Variants in ADGRG4 observed in about 807,000 individuals in gnomAD.
ADGRG4 encodes G protein-coupled receptor 112.
In ADGRG4, 122 loss-of-function variants were observed where a neutral mutation model predicts 126.2. The observed-to-expected ratio is 0.97, with a 90% CI of 0.83 to 1.12. The LOEUF is 1.12. ADGRG4 is among the 50% of genes most tolerant of loss of function. The probability of loss-of-function intolerance (pLI) is 0.00; values close to 1 mark genes in which losing one functional copy is unlikely to be tolerated. For missense variants in ADGRG4, 2,481 were observed against 2,251.8 expected, an observed-to-expected ratio of 1.10 and a Z score of -2.06; for synonymous variants, 943 against 838.7, an observed-to-expected ratio of 1.12 and a Z score of -2.15.
In ADGRG4 at chrX:136,411,517, G is replaced by A. The variant is rs73637927; in HGVS notation, c.8936-748G>A. 7.0e-3 allele frequency among the ~76,000 whole-genome samples: 791 copies of A among 112,779 alleles called. 9 individuals carry two copies. Among genetic ancestry groups the A allele is most frequent in the African/African-American group, 0.024 (757 of 31,063 alleles). On this transcript the variant is annotated intron_variant, in intron 23 of 25. Coordinates refer to ENST00000394143, the MANE Select transcript of ADGRG4 (RefSeq NM_153834.4). The stretch of plus-strand genomic sequence containing the variant: ...GGGTCAAATCCATGGTTTCCACATG[G>A]TGTCATTATGCCAAAAAGCATGTGT...
At position 136,347,344 on chromosome X, in the gene ADGRG4, C is replaced by A. The variant is rs4829830; in HGVS notation, c.3638C>A (p.Thr1213Asn). 568,019 of 1,205,918 alleles carry A rather than the reference C, an allele frequency of 0.47. 90,725 individuals are homozygous for A. Among genetic ancestry groups the A allele is most frequent in the African/African-American group, 0.55 (30,989 of 56,406 alleles). Reference protein sequence around the residue: ...GTTETSVVDETTPSHISANKL... With the variant: ...GTTETSVVDENTPSHISANKL... ...ACAGAGACCTCTGTTGTTGATGAGA[C>A]CACACCCTCACACATCTCTGCCAAT... Residue 1213 changes from threonine to asparagine, a missense_variant, in exon 6 of 26, where the codon ACC becomes AAC. By Grantham distance (65) the Thr-to-Asn change is moderately conservative (BLOSUM62 0). Transcript: ENST00000394143.
Position 136,344,808 on chromosome X carries a change from C to CAA in ADGRG4, c.1102_1103insAA (p.Pro368GlnfsTer114), listed in dbSNP as rs1320262486. 3 of 1,204,249 alleles carry CAA rather than the reference C, an allele frequency of 2.5e-6. No homozygotes were observed. The South Asian group carries it at 5.3e-5, about 21-fold the overall frequency. On this transcript the variant is annotated frameshift_variant, in exon 6 of 26. Transcript: ENST00000394143. LOFTEE classifies it high-confidence loss of function. ...CATGGCTACTGAAATCTTTCAACCA[C>CAA]CTACACCTTCTAATTTCCTATCCAC...
intron 23 of ADGRG4, among the ~76,000 whole-genome samples, chrX:136,406,641 T>C (rs1310464925): frequency 8.9e-6 from 1 of 112,045 alleles, no homozygotes; most frequent in Admixed American, 9.4e-5. Flanking sequence ...GGGCCGGGTG[T>C]GATGGCTCGT....
At position 136,323,008 on chromosome X, in the gene ADGRG4, C is replaced by T. The variant is rs764396607; in HGVS notation, c.301C>T (p.Leu101=). The T allele has an allele frequency of 3.3e-6, 4 of 1,211,768 alleles. No individual in the cohort carries two copies. The South Asian group carries it at 5.3e-5, about 16-fold the overall frequency. ...GLAGDHQQLI[L]YRLGKTFSIR... ...TGCAGGAGACCATCAGCAGCTAATA[C>T]TATACAGATTGGGAAAGACCTTTTC... is the stretch of plus-strand genomic sequence containing the variant. Residue 101 remains leucine (L), a synonymous_variant, in exon 5 of 26, where the codon CTA becomes TTA. Transcript: ENST00000394143.
At chrX:136,401,368 C>T (rs925413209) in intron 21 of ADGRG4, among the ~76,000 whole-genome samples, 3 of 111,754 alleles carry the variant, frequency 2.7e-5, no homozygotes, top group Non-Finnish European at 3.8e-5. Flanking sequence ...TTCATCCTGG[C>T]TTTCCTTCTC....
Position 136,350,039 on chromosome X carries a change from C to G in ADGRG4, c.6333C>G (p.Thr2111=), listed in dbSNP as rs752917355. 2.3e-5 allele frequency: 28 copies of G among 1,209,001 alleles called. No homozygotes were observed. The South Asian group carries it at 4.4e-4, about 19-fold the overall frequency. Residue 2111 remains threonine (T), a synonymous_variant, in exon 6 of 26, where the codon ACC becomes ACG. Coordinates refer to ENST00000394143, the MANE Select transcript of ADGRG4 (RefSeq NM_153834.4). ...CACACCCTGAGGCATCCTCCAGAAC[C>G]ACAATAACTGCCAACCCCAGGACTG... ...ISTHPEASSR[T]TITANPRTVS...
At position 136,348,971 on chromosome X, in the gene ADGRG4, T is replaced by G. The variant is rs183607817; in HGVS notation, c.5265T>G (p.His1755Gln). 8.3e-7 allele frequency: 1 copy of G among 1,207,506 alleles called. No individual in the cohort carries two copies. Among genetic ancestry groups the G allele is most frequent in the East Asian group, 3.0e-5 (1 of 33,686 alleles). The change falls in exon 6 of 26, where the codon CAT becomes CAG. Residue 1755 changes from histidine (H) to glutamine (Q), a missense_variant. By Grantham distance (24) the His-to-Gln change is conservative. Transcript: ENST00000394143. ...CTGAAAATATGCTTTCACCTACTCATGCAGATAGTCTCCATACTTCCTTCA... is the reference window on the plus strand; with the variant it reads ...CTGAAAATATGCTTTCACCTACTCAGGCAGATAGTCTCCATACTTCCTTCA... ...TVPENMLSPT[H>Q]ADSLHTSFNI...
intron 16 of ADGRG4, among the ~76,000 whole-genome samples, chrX:136,391,721 A>G: frequency 8.9e-6 from 1 of 112,482 alleles, no homozygotes; most frequent in Middle Eastern, 4.6e-3. Context: ...TCCCCTAAGA[A>G]GGCGATGACT....
Position 136,366,218 on chromosome X carries a change from A to G in ADGRG4, c.7396+2623A>G, listed in dbSNP as rs772247610. On this transcript the variant is annotated intron_variant, in intron 13 of 25. Coordinates refer to ENST00000394143, the MANE Select transcript of ADGRG4 (RefSeq NM_153834.4). ...CCCTCCTTCCTCTCAACCCCTGGCA[A>G]TCACTGATCTTTTTACTATCTCTGT... 2.7e-5 allele frequency among the ~76,000 whole-genome samples: 3 copies of G among 112,183 alleles called. No individual in the cohort carries two copies. In the East Asian group the frequency reaches 8.4e-4, roughly 31 times the overall value.
Position 136,348,131 on chromosome X carries a change from T to A in ADGRG4, c.4425T>A (p.Asn1475Lys). 1 of 1,210,657 alleles carries A rather than the reference T, an allele frequency of 8.3e-7. No individual in the cohort carries two copies. The highest frequency in any genetic ancestry group is 1.1e-6 in the Non-Finnish European group (1 of 894,550). Reference sequence around the variant, plus strand: ...CTCTTTCCACAGCTGGACTATATAATGACGGTTTTACAGTTCTCTCCGACA... The same window carrying A: ...CTCTTTCCACAGCTGGACTATATAAAGACGGTTTTACAGTTCTCTCCGACA... The part of the protein sequence containing the change: ...SLSLSTAGLY[N>K]DGFTVLSDRI... Residue 1475 changes from asparagine (N) to lysine (K), a missense_variant, in exon 6 of 26, where the codon AAT becomes AAA. Asn to Lys is a moderately conservative substitution (Grantham distance 94). Coordinates refer to ENST00000394143, the MANE Select transcript of ADGRG4 (RefSeq NM_153834.4).
chrX:136,395,479 T>C lies in ADGRG4; in HGVS notation c.8170T>C (p.Phe2724Leu), dbSNP rs1256507205. The C allele has an allele frequency of 1.7e-6, 2 of 1,155,406 alleles. No individual in the cohort carries two copies. Among genetic ancestry groups the C allele is most frequent in the Non-Finnish European group, 2.4e-6 (2 of 846,508 alleles). ...CTGTCAGTGTGACCACCTCACCCAT[T>C]TTGGAGTCTTAATGGTGAGTTGTCT... ...TICQCDHLTH[F>L]GVLMDLSRST... Residue 2724 changes from phenylalanine to leucine, a missense_variant, in exon 19 of 26, where the codon TTT becomes CTT. Transcript: ENST00000394143.
In ADGRG4 at chrX:136,371,354, A is replaced by C. The variant is rs753671306; in HGVS notation, c.7423A>C (p.Ile2475Leu). The C allele has an allele frequency of 8.4e-7, 1 of 1,194,425 alleles. No homozygotes were observed. The highest frequency in any genetic ancestry group is 1.1e-6 in the Non-Finnish European group (1 of 885,180). ...GAATGCTGAGGATGTTGCAGAGCAT[A>C]TTTTAAATTTGATAAATGAATCCCC... ...DENAEDVAEH[I>L]LNLINESPAL... The change falls in exon 14 of 26, where the codon ATT becomes CTT. Residue 2475 changes from isoleucine to leucine, a missense_variant. By Grantham distance (5) the Ile-to-Leu change is conservative. Transcript: ENST00000394143.
chrX:136,362,567 G>C (rs60314044), intron 12 of ADGRG4, among the ~76,000 whole-genome samples: 101 of 111,535 alleles, frequency 9.1e-4, no homozygotes, highest in Middle Eastern at 4.7e-3. Context: ...AGTCCAGACC[G>C]TAGGCTTCCT....
intron 10 of ADGRG4, 136 bp from the exon 11 acceptor site, chrX:136,359,156 C>G (rs2075112019): frequency 2.0e-6 from 1 of 503,068 alleles, no homozygotes; most frequent in African/African-American, 2.4e-5. Context: ...TTAAGATTGG[C>G]TGCTTAATAG....
chrX:136,393,383 G>T (rs986215333), intron 17 of ADGRG4, 152 bp from the exon 18 acceptor site: 20 of 408,536 alleles, frequency 4.9e-5, no homozygotes, highest in South Asian at 1.9e-4. Context: ...TTCACAAATG[G>T]CCCAAATGTG....
intron 1 of ADGRG4, among the ~76,000 whole-genome samples, chrX:136,302,270 T>C (rs1269348133): frequency 8.9e-6 from 1 of 111,812 alleles, no homozygotes; most frequent in Non-Finnish European, 1.9e-5. Context: ...GAGCAATGGT[T>C]TGTGGTTCTC....
intron 15 of ADGRG4, among the ~76,000 whole-genome samples, chrX:136,376,928 A>G (rs1329635230): frequency 9.1e-6 from 1 of 110,262 alleles, no homozygotes; most frequent in East Asian, 2.8e-4. Flanking sequence ...TCCAATTTGG[A>G]TGCCCTTTAT....
chrX:136,385,861 G>A (rs936991953), intron 15 of ADGRG4, among the ~76,000 whole-genome samples: 10 of 111,337 alleles, frequency 9.0e-5, no homozygotes, highest in Non-Finnish European at 1.9e-4. Flanking sequence ...GTACATATGT[G>A]GTCCAGAGGT....
At chrX:136,354,647 C>T (rs1318432110) in intron 8 of ADGRG4, among the ~76,000 whole-genome samples, 5 of 111,186 alleles carry the variant, frequency 4.5e-5, no homozygotes, top group Non-Finnish European at 9.4e-5. Flanking sequence ...CCCCTCACCC[C>T]AGACACTAGT....
Sources: gnomAD v4.1 joint callset for allele counts (sites outside exome capture counted in the v4.1 genomes callset) on GRCh38, gnomAD v4.1.1 for gene constraint, MANE v1.5 for transcripts, NCBI Gene and HGNC (gene_info 2026-07-23, HGNC 2026-07-21) for gene names.